The following PBX3 variants were observed in gnomAD, a reference collection of about 807,000 sequenced individuals.
The protein encoded by PBX3 is pre-B-cell leukemia transcription factor 3.
In PBX3, 14 loss-of-function variants were observed where a neutral mutation model predicts 48.5. The ratio of observed to expected loss-of-function variants is 0.29; its 90% CI spans 0.19 to 0.45. PBX3 has a LOEUF of 0.45. Among genes scored for constraint, PBX3 ranks in the 20% least tolerant of loss-of-function variants. The pLI is 1.00. For synonymous variants in PBX3, 210 were observed against 200.3 expected (o/e 1.05, Z -0.41); for missense variants, 386 against 546.7 (o/e 0.71, Z 2.93).
intron 4 of PBX3, among the ~76,000 whole-genome samples, chr9:125,932,900 C>T (rs1041342526): frequency 2.0e-5 from 3 of 152,110 alleles, no homozygotes; most frequent in Admixed American, 6.5e-5. Flanking sequence ...TCTCTTCTCC[C>T]ATAGAGATTG....
chr9:125,946,485 T>C (rs1588327723), intron 5 of PBX3, among the ~76,000 whole-genome samples: 1 of 151,946 alleles, frequency 6.6e-6, no homozygotes, highest in African/African-American at 2.4e-5. Context: ...GCTTAATATC[T>C]ATAATGGGGG....
intron 3 of PBX3, among the ~76,000 whole-genome samples, chr9:125,926,520 A>C (rs901237757): frequency 2.0e-5 from 3 of 149,140 alleles, no homozygotes; most frequent in Non-Finnish European, 4.4e-5. Flanking sequence ...ACTGTCTCAA[A>C]ATAATAGGCC....
At chr9:125,755,855 A>G (rs1836503553) in intron 2 of PBX3, among the ~76,000 whole-genome samples, 1 of 151,958 alleles carries the variant, frequency 6.6e-6, no homozygotes, top group Non-Finnish European at 1.5e-5. Flanking sequence ...TACTGAATAT[A>G]AAGTTTTTAT....
chr9:125,920,458 A>G (rs979611785), intron 3 of PBX3, among the ~76,000 whole-genome samples: 3 of 152,208 alleles, frequency 2.0e-5, no homozygotes, highest in Non-Finnish European at 4.4e-5. Context: ...ACCAAAAGGA[A>G]ATGGACACAT....
In PBX3 at chr9:125,847,665, T is replaced by C. The variant is rs184647846; in HGVS notation, c.275-68021T>C. On this transcript the variant is annotated intron_variant, in intron 2 of 8. Coordinates refer to ENST00000373489, the MANE Select transcript of PBX3 (RefSeq NM_006195.6). ...AGTAGTGGCATTAGGATTTTTAACATTTTTTTCTTTATCCTTTTCTTTATT... is the reference window on the plus strand; with the variant it reads ...AGTAGTGGCATTAGGATTTTTAACACTTTTTTCTTTATCCTTTTCTTTATT... Among the ~76,000 whole-genome samples, 218 of 151,992 alleles carry C rather than the reference T, an allele frequency of 1.4e-3. 1 individual carries two copies. The highest frequency in any genetic ancestry group is 5.0e-3 in the African/African-American group (209 of 41,520).
intron 2 of PBX3, among the ~76,000 whole-genome samples, chr9:125,769,393 C>G (rs74741220): frequency 0.055 from 8,417 of 152,224 alleles, 755 homozygotes; most frequent in African/African-American, 0.19. Context: ...TCCACGGACA[C>G]CATTTCAGAA....
intron 2 of PBX3, among the ~76,000 whole-genome samples, chr9:125,871,380 CAAAA>C (rs34035290): frequency 7.8e-6 from 1 of 127,588 alleles, no homozygotes; most frequent in Non-Finnish European, 1.6e-5. Context: ...GACTCCGTCT[CAAAA>C]AAAAAAAAAA....
At chr9:125,912,117 A>G (rs1048439319) in intron 2 of PBX3, among the ~76,000 whole-genome samples, 2 of 152,168 alleles carry the variant, frequency 1.3e-5, no homozygotes, top group East Asian at 1.9e-4. Flanking sequence ...TCAAGCCTTC[A>G]TTGTGTTACA....
intron 2 of PBX3, among the ~76,000 whole-genome samples, chr9:125,901,063 A>G (rs1405681485): frequency 6.6e-6 from 1 of 151,838 alleles, no homozygotes; most frequent in Admixed American, 6.6e-5. Context: ...ATTTGACACT[A>G]TCCCAGAATT....
intron 2 of PBX3, among the ~76,000 whole-genome samples, chr9:125,791,313 A>ATCTATCTG (rs1286534008): frequency 8.0e-5 from 12 of 150,278 alleles, no homozygotes; most frequent in African/African-American, 2.7e-4. Context: ...CTATCTATCT[A>ATCTATCTG]TCTATCTATC....
At chr9:125,747,815 G>A (rs969713644) in intron 1 of PBX3, among the ~76,000 whole-genome samples, 162 bp downstream of exon 1, 5 of 151,506 alleles carry the variant, frequency 3.3e-5, no homozygotes, top group Non-Finnish European at 5.9e-5. Flanking sequence ...ACTTGCCCGC[G>A]CCCCCCGAAG....
intron 2 of PBX3, among the ~76,000 whole-genome samples, chr9:125,790,533 TATG>T (rs1837570958): frequency 6.6e-6 from 1 of 151,650 alleles, no homozygotes; most frequent in Non-Finnish European, 1.5e-5. Flanking sequence ...GGATTACAGG[TATG>T]AGCCACCGTG....
At chr9:125,825,942 A>G (rs539255421) in intron 2 of PBX3, among the ~76,000 whole-genome samples, 62 of 152,296 alleles carry the variant, frequency 4.1e-4, no homozygotes, top group African/African-American at 1.5e-3. Flanking sequence ...AATGTCCTGG[A>G]AGGAAGTCTG....
intron 2 of PBX3, among the ~76,000 whole-genome samples, chr9:125,802,359 AT>A (rs57805307): frequency 1.0e-4 from 7 of 67,760 alleles, no homozygotes; most frequent in Admixed American, 2.3e-4. Context: ...ACATTAGTGC[AT>A]TTTTTTTTTT....
chr9:125,898,940 A>G (rs1463096173), intron 2 of PBX3, among the ~76,000 whole-genome samples: 3 of 150,930 alleles, frequency 2.0e-5, no homozygotes, highest in Non-Finnish European at 3.0e-5. Context: ...TGAAATAGAA[A>G]TGGTTGAATT....
At chr9:125,898,681 A>G (rs989618106) in intron 2 of PBX3, among the ~76,000 whole-genome samples, 2 of 151,860 alleles carry the variant, frequency 1.3e-5, no homozygotes, top group Admixed American at 6.6e-5. Flanking sequence ...CAGAGCAGAT[A>G]TGAAGTGAAG....
intron 2 of PBX3, among the ~76,000 whole-genome samples, chr9:125,897,661 G>T (rs1588272554): frequency 6.6e-6 from 1 of 151,914 alleles, no homozygotes; most frequent in East Asian, 1.9e-4. Flanking sequence ...AGTTTATATA[G>T]GGAAAACTGC....
rs74702719 is a variant in PBX3 at position 125,780,040 on chromosome 9, C to T, written c.274+31417C>T. Among the ~76,000 whole-genome samples, 446 of 140,598 alleles carry T rather than the reference C, an allele frequency of 3.2e-3. 1 individual carries two copies. The highest frequency in any genetic ancestry group is 5.2e-3 in the Non-Finnish European group (332 of 63,752). 92.2% of individuals were successfully genotyped at this position (140,598 alleles called of 152,430 possible). A position where few individuals can be genotyped will look rare whatever the true frequency, so the allele number is the denominator to read the frequency against. ...GCAGAGGCGCCCCTCACCTCCCGGA[C>T]GGGGCGGCTGGCCGGGCAGGGGGCT... On this transcript the variant is annotated intron_variant, in intron 2 of 8. Coordinates refer to ENST00000373489, the MANE Select transcript of PBX3 (RefSeq NM_006195.6).
chr9:125,830,829 A>G (rs1838939547), intron 2 of PBX3, among the ~76,000 whole-genome samples: 1 of 151,984 alleles, frequency 6.6e-6, no homozygotes, highest in African/African-American at 2.4e-5. Flanking sequence ...TAGCTGTTTG[A>G]TTCTAAGTCA....
Sources: allele counts gnomAD v4.1 joint callset (sites outside exome capture counted in the v4.1 genomes callset), GRCh38; gene constraint gnomAD v4.1.1; transcripts MANE v1.5; gene names NCBI Gene and HGNC (gene_info 2026-07-23, HGNC 2026-07-21).